CDRT4: variants seen among roughly 807,000 people sequenced by gnomAD.
CDRT4 encodes CMT1A duplicated region transcript 4 protein.
For missense variants in CDRT4, 167 were observed against 193.1 expected (o/e 0.87, Z 0.80); for synonymous variants, 64 against 69.6 (o/e 0.92, Z 0.40).
intron 1 of CDRT4, among the ~76,000 whole-genome samples, chr17:15,466,435 C>A (rs1346044223): frequency 6.6e-6 from 1 of 152,232 alleles, no homozygotes; most frequent in African/African-American, 2.4e-5. Flanking sequence ...CCACCCCTAT[C>A]TACACCAAGG....
At chr17:15,456,365 G>T (rs1454753578) in intron 1 of CDRT4, among the ~76,000 whole-genome samples, 2 of 152,070 alleles carry the variant, frequency 1.3e-5, no homozygotes, top group Admixed American at 1.3e-4. Flanking sequence ...TACTGGAGAG[G>T]TATAGAGATC....
intron 1 of CDRT4, among the ~76,000 whole-genome samples, chr17:15,465,016 CAG>C (rs1222918947): frequency 7.0e-6 from 1 of 143,284 alleles, no homozygotes; most frequent in Non-Finnish European, 1.5e-5. Context: ...ACACACAACA[CAG>C]ACACACACCA....
At chr17:15,447,272 C>T (rs911446600) in intron 2 of CDRT4, among the ~76,000 whole-genome samples, 1 of 152,162 alleles carries the variant, frequency 6.6e-6, no homozygotes, top group African/African-American at 2.4e-5. Context: ...CTCACAGCCC[C>T]ATGAGGAAGA....
intron 2 of CDRT4, among the ~76,000 whole-genome samples, chr17:15,445,442 T>A (rs1002438810): frequency 3.9e-5 from 6 of 152,196 alleles, no homozygotes; most frequent in African/African-American, 1.4e-4. Context: ...GTTAACTTGT[T>A]CTGTAATTCT....
chr17:15,452,829 T>C (rs1979322805), intron 2 of CDRT4, among the ~76,000 whole-genome samples, 175 bp downstream of exon 2: 1 of 152,216 alleles, frequency 6.6e-6, no homozygotes, highest in Non-Finnish European at 1.5e-5. Context: ...TATCCCATTA[T>C]GTGTTATTTA....
chr17:15,464,834 C>T lies in CDRT4; in HGVS notation c.-130+2626G>A, dbSNP rs148381263. 9.1e-4 allele frequency among the ~76,000 whole-genome samples: 139 copies of T among 152,258 alleles called. No homozygotes were observed. Among genetic ancestry groups the T allele is most frequent in the African/African-American group, 3.2e-3 (133 of 41,546 alleles). The stretch of plus-strand genomic sequence containing the variant: ...CTCACTCCAGCCTGGCATCCACACT[C>T]GCAGCTCTGCTGACAGCCAGCACAG... On this transcript the variant is annotated intron_variant, in intron 1 of 3. Coordinates refer to ENST00000619038, the MANE Select transcript of CDRT4 (RefSeq NM_001204477.2). The surrounding 1 kb of genome is among the most constrained non-coding windows in gnomAD (Gnocchi z 4.5).
intron 2 of CDRT4, among the ~76,000 whole-genome samples, chr17:15,443,335 A>G (rs1258252219): frequency 1.4e-5 from 2 of 147,986 alleles, no homozygotes; most frequent in East Asian, 2.0e-4. Flanking sequence ...GCTGGAGTGT[A>G]GTGGCACGAT....
At chr17:15,460,298 C>T (rs1392633162) in intron 1 of CDRT4, among the ~76,000 whole-genome samples, 2 of 152,154 alleles carry the variant, frequency 1.3e-5, no homozygotes, top group African/African-American at 4.8e-5. Flanking sequence ...TTTCCCTCAT[C>T]TTCAAAATCC....
rs1171048033 is a variant in CDRT4, at chr17:15,444,208, A to G, written c.-47-3923T>C. 31 of 893,592 alleles carry G rather than the reference A, an allele frequency of 3.5e-5. No individual in the cohort carries two copies. The Admixed American group carries it at 4.4e-4, about 13-fold the overall frequency. The allele number at this position is 893,592 out of a possible 1,614,324, so 55.4% of individuals were successfully genotyped here. ...GATGAATAAGATCTAAGAGATGTCCAGCTACAGAAACAAGATGCCGGATGA... is the reference window on the plus strand; with the variant it reads ...GATGAATAAGATCTAAGAGATGTCCGGCTACAGAAACAAGATGCCGGATGA... On this transcript the variant is annotated intron_variant, in intron 2 of 3. Transcript: ENST00000619038.
intron 1 of CDRT4, among the ~76,000 whole-genome samples, chr17:15,456,919 AT>A (rs1979510514): frequency 6.6e-6 from 1 of 152,188 alleles, no homozygotes; most frequent in South Asian, 2.1e-4. Context: ...TGTTAAAGCC[AT>A]TGATTTACCA....
In CDRT4 at chr17:15,438,053, T is replaced by C. The variant is rs376586141; in HGVS notation, c.179A>G (p.Glu60Gly). Residue 60 changes from glutamate to glycine, a missense_variant, in exon 4 of 4, where the codon GAA becomes GGA. Physicochemically the swap from Glu to Gly is moderately conservative, Grantham distance 98. Transcript: ENST00000619038. Reference protein sequence around the residue: ...RELECMRALEERPWASRQNKP... With the variant: ...RELECMRALEGRPWASRQNKP... ...ATTCTGCCTTGATGCCCAGGGTCTT[T>C]CCTCGAGGGCACGCATGCATTCCAG... is the stretch of plus-strand genomic sequence containing the variant. The C allele has an allele frequency of 1.8e-5, 29 of 1,614,064 alleles. No homozygotes were observed. The highest frequency in any genetic ancestry group is 2.3e-5 in the Non-Finnish European group (27 of 1,180,042).
intron 1 of CDRT4, among the ~76,000 whole-genome samples, chr17:15,463,713 G>C (rs528432126): frequency 3.3e-5 from 5 of 152,308 alleles, no homozygotes; most frequent in African/African-American, 1.2e-4. Flanking sequence ...CCATGTGCCA[G>C]AGGCTATGCT....
At chr17:15,453,160 TGGA>T (rs1662846738) in intron 1 of CDRT4, 75 bp from the exon 2 acceptor site, 1 of 152,178 alleles carries the variant, frequency 6.6e-6, no homozygotes, top group African/African-American at 2.4e-5. Flanking sequence ...GATTTGGGAG[TGGA>T]GGGAGAATTG....
chr17:15,442,780 G>A (rs1313316529), intron 2 of CDRT4, among the ~76,000 whole-genome samples: 1 of 152,234 alleles, frequency 6.6e-6, no homozygotes, highest in Admixed American at 6.5e-5. Flanking sequence ...AAGGGAGGGA[G>A]TGTTTGAGAC....
intron 2 of CDRT4, among the ~76,000 whole-genome samples, chr17:15,444,529 AT>A (rs1236995044): frequency 6.6e-6 from 1 of 152,142 alleles, no homozygotes; most frequent in Non-Finnish European, 1.5e-5. Context: ...CAAATTGAAG[AT>A]TTATAAAATA....
chr17:15,452,244 C>T (rs1979294841), intron 2 of CDRT4, among the ~76,000 whole-genome samples: 1 of 152,232 alleles, frequency 6.6e-6, no homozygotes, highest in African/African-American at 2.4e-5. Flanking sequence ...CCCTATCTCT[C>T]TCTGAGCCTT....
intron 2 of CDRT4, among the ~76,000 whole-genome samples, chr17:15,441,652 A>G (rs1016101392): frequency 1.3e-5 from 2 of 152,192 alleles, no homozygotes; most frequent in African/African-American, 2.4e-5. Context: ...AAATTCCACT[A>G]TTTTTATAGA....
intron 1 of CDRT4, among the ~76,000 whole-genome samples, chr17:15,458,770 G>C (rs753971573): frequency 1.4e-4 from 22 of 152,124 alleles, no homozygotes; most frequent in African/African-American, 5.1e-4. Flanking sequence ...TCCCTGCTGT[G>C]GGGGAGCCTG....
chr17:15,442,895 A>G (rs909131704), intron 2 of CDRT4, among the ~76,000 whole-genome samples: 2 of 152,244 alleles, frequency 1.3e-5, no homozygotes, highest in Admixed American at 1.3e-4. Flanking sequence ...ATTTCCTTCA[A>G]TTCCAGCACA....
Sources: gnomAD v4.1 joint callset for allele counts (sites outside exome capture counted in the v4.1 genomes callset) on GRCh38, gnomAD v4.1.1 for gene constraint, Gnocchi (gnomAD v3.1) non-coding constraint, MANE v1.5 for transcripts, NCBI Gene and HGNC (gene_info 2026-07-23, HGNC 2026-07-21) for gene names.